The following IFT74 variants were observed in gnomAD, a reference collection of about 807,000 sequenced individuals.
IFT74 encodes the protein intraflagellar transport 74, also known as intraflagellar transport protein 74 homolog.
In IFT74, 92 loss-of-function variants were observed where a neutral mutation model predicts 96.7. The observed-to-expected ratio is 0.95, with a 90% confidence interval of 0.80 to 1.13. The LOEUF is 1.13. Ranked by LOEUF, IFT74 falls within the 50% of genes most tolerant of loss-of-function variation. IFT74 has a pLI of 0.00. For missense variants in IFT74, 811 were observed against 698.2 expected (o/e 1.16, Z -1.82); for synonymous variants, 223 against 213.2 (o/e 1.05, Z -0.40).
chr9:27,045,598 T>C (rs1819664076), intron 14 of IFT74, among the ~76,000 whole-genome samples: 1 of 152,228 alleles, frequency 6.6e-6, no homozygotes, highest in African/African-American at 2.4e-5. Context: ...CCTGATTTTA[T>C]AAATTGGTTT....
At chr9:26,987,390 G>A (rs1338639575) in intron 6 of IFT74, among the ~76,000 whole-genome samples, 4 of 151,960 alleles carry the variant, frequency 2.6e-5, no homozygotes, top group South Asian at 2.1e-4. Context: ...GCGCCCGGCC[G>A]AGAAAAGTAG....
At chr9:27,047,247 A>G in intron 14 of IFT74, 27 bp from the exon 15 acceptor site, 1 of 1,350,546 alleles carries the variant, frequency 7.4e-7, no homozygotes, top group Non-Finnish European at 1.1e-6. Flanking sequence ...ATCAGCAGTA[A>G]TCTCTCTTAT....
intron 11 of IFT74, among the ~76,000 whole-genome samples, chr9:27,018,396 C>T (rs1829450136): frequency 1.3e-5 from 2 of 152,152 alleles, no homozygotes; most frequent in Admixed American, 6.6e-5. Context: ...GAGCTATCCT[C>T]ATGGTGCCTG....
At chr9:26,998,846 C>T (rs543571729) in intron 8 of IFT74, among the ~76,000 whole-genome samples, 2 of 150,368 alleles carry the variant, frequency 1.3e-5, no homozygotes, top group South Asian at 2.1e-4. Flanking sequence ...AAAAAAAAGT[C>T]AGCCGGGCAT....
Position 27,060,579 on chromosome 9 carries a change from T to C in IFT74, c.1624-12T>C, listed in dbSNP as rs1358410790. 2 of 1,576,356 alleles carry C rather than the reference T, an allele frequency of 1.3e-6. No homozygotes were observed. ...ATGGGTCCTAATTAATATTTTTCTT[T>C]TATGTTTTTAGCTTACAAATTTGGA... is the stretch of plus-strand genomic sequence containing the variant. On this transcript the variant is annotated splice_polypyrimidine_tract_variant and intron_variant, in intron 18 of 19. Transcript: ENST00000380062.
intron 12 of IFT74, 44 bp from the exon 13 acceptor site, chr9:27,028,981 T>C (rs769349003): frequency 6.7e-7 from 1 of 1,489,726 alleles, no homozygotes; most frequent in Non-Finnish European, 9.1e-7. Flanking sequence ...TTTTATTGAA[T>C]GTCTATATTT....
At chr9:27,032,653 G>T (rs1830179223) in intron 13 of IFT74, among the ~76,000 whole-genome samples, 1 of 151,932 alleles carries the variant, frequency 6.6e-6, no homozygotes, top group East Asian at 1.9e-4. Context: ...GGATCATGAG[G>T]TCAGGAGTTC....
intron 8 of IFT74, chr9:26,997,685 T>C: frequency 6.5e-7 from 1 of 1,536,908 alleles, no homozygotes; most frequent in Non-Finnish European, 8.7e-7. Flanking sequence ...GGTGGAACAT[T>C]GAGTTAATCA....
chr9:27,048,114 A>AT (rs772439373), intron 15 of IFT74, 34 bp from the exon 16 acceptor site: 7 of 1,482,482 alleles, frequency 4.7e-6, no homozygotes, highest in East Asian at 2.3e-5. Flanking sequence ...AAATCAGTGG[A>AT]TTTTTTTCTA....
At chr9:27,049,894 G>T (rs1165634513) in intron 16 of IFT74, among the ~76,000 whole-genome samples, 1 of 152,036 alleles carries the variant, frequency 6.6e-6, no homozygotes, top group Non-Finnish European at 1.5e-5. Context: ...AAGTTTTCGA[G>T]TAGCCATGTT....
chr9:27,022,928 G>A (rs1321986083), intron 12 of IFT74, among the ~76,000 whole-genome samples: 6 of 152,166 alleles, frequency 3.9e-5, no homozygotes, highest in Non-Finnish European at 8.8e-5. Context: ...ATGAGCCACC[G>A]CGCCCGACCG....
At chr9:27,045,965 C>T (rs531499658) in intron 14 of IFT74, among the ~76,000 whole-genome samples, 3 of 151,870 alleles carry the variant, frequency 2.0e-5, no homozygotes, top group African/African-American at 7.3e-5. Flanking sequence ...GTATCTGGCA[C>T]TTAGGTGTCA....
At chr9:27,045,429 A>G (rs1482270777) in intron 14 of IFT74, among the ~76,000 whole-genome samples, 6 of 152,256 alleles carry the variant, frequency 3.9e-5, no homozygotes, top group South Asian at 4.1e-4. Flanking sequence ...ATGCTTCACT[A>G]TATTCACCTT....
chr9:27,046,663 G>A (rs1211957652), intron 14 of IFT74, among the ~76,000 whole-genome samples: 1 of 152,082 alleles, frequency 6.6e-6, no homozygotes, highest in South Asian at 2.1e-4. Context: ...AGTAGTCAGG[G>A]TGTTAATAAT....
intron 4 of IFT74, 30 bp downstream of exon 4, chr9:26,980,649 G>A (rs781082076): frequency 2.1e-5 from 30 of 1,414,986 alleles, no homozygotes; most frequent in African/African-American, 2.8e-5. Flanking sequence ...TCATCCGTAT[G>A]TTTTACTCGA....
intron 18 of IFT74, among the ~76,000 whole-genome samples, chr9:27,058,108 A>G (rs116886878): frequency 0.036 from 5,332 of 149,190 alleles, 125 homozygotes; most frequent in Non-Finnish European, 0.054. Context: ...TTTTTTTTTC[A>G]AACAGAGTCT....
At chr9:27,014,939 T>A (rs1412702620) in intron 10 of IFT74, among the ~76,000 whole-genome samples, 1 of 152,248 alleles carries the variant, frequency 6.6e-6, no homozygotes, top group Non-Finnish European at 1.5e-5. Context: ...TTAGGACTTG[T>A]TCTTCAAGAA....
At chr9:26,955,400 G>C (rs908277842), upstream of IFT74, among the ~76,000 whole-genome samples, 5 of 152,120 alleles carry the variant, frequency 3.3e-5, no homozygotes, top group Non-Finnish European at 7.4e-5. Context: ...ATTCAAGTTT[G>C]AGTTGAGTCC....
chr9:26,984,319 A>T lies in IFT74; in HGVS notation c.368A>T (p.Asn123Ile). The T allele has an allele frequency of 6.3e-7, 1 of 1,584,022 alleles. No individual in the cohort carries two copies. The highest frequency in any genetic ancestry group is 8.6e-7 in the Non-Finnish European group (1 of 1,163,810). ...CTTCAGAAGGGAATAGAAATGTACAATCAAGAGAATTCAGTATATTTGTCA... is the reference window on the plus strand; with the variant it reads ...CTTCAGAAGGGAATAGAAATGTACATTCAAGAGAATTCAGTATATTTGTCA... ...NKLQKGIEMY[N>I]QENSVYLSYE... The change falls in exon 5 of 20, where the codon AAT (asparagine) becomes ATT (isoleucine). Residue 123 changes from asparagine (N) to isoleucine (I), a missense_variant. Transcript: ENST00000380062.
Sources: gnomAD v4.1 joint callset for allele counts (sites outside exome capture counted in the v4.1 genomes callset) on GRCh38, gnomAD v4.1.1 for gene constraint, MANE v1.5 for transcripts, NCBI Gene and HGNC (gene_info 2026-07-23, HGNC 2026-07-21) for gene names.